ELMO1: variants seen among roughly 807,000 people sequenced by gnomAD.
ELMO1 encodes the protein engulfment and cell motility protein 1.
A neutral mutation model predicts 98.9 loss-of-function variants in ELMO1; 26 were observed. The observed-to-expected ratio is 0.26, with a 90% CI of 0.19 to 0.36. The LOEUF (loss-of-function observed/expected upper bound fraction) is 0.36, where lower values mean the gene tolerates loss of function less well. Among genes scored for constraint, ELMO1 ranks in the 10% least tolerant of loss-of-function variants. The pLI, the probability that ELMO1 is intolerant of heterozygous loss-of-function variation, is 1.00. For synonymous variants in ELMO1, 346 were observed against 346.0 expected, an observed-to-expected ratio of 1.00 and a Z score of 0.00; for missense variants, 627 against 935.2, an observed-to-expected ratio of 0.67 and a Z score of 4.30.
intron 11 of ELMO1, among the ~76,000 whole-genome samples, chr7:37,214,787 C>T (rs1027488796): frequency 1.3e-5 from 2 of 152,208 alleles, no homozygotes; most frequent in Non-Finnish European, 2.9e-5. Context: ...CTTAGCAACT[C>T]GAAAGTACTG....
At chr7:37,312,121 C>T (rs1798917935) in intron 4 of ELMO1, among the ~76,000 whole-genome samples, 1 of 152,216 alleles carries the variant, frequency 6.6e-6, no homozygotes, top group Non-Finnish European at 1.5e-5. Context: ...GAGATGGAGG[C>T]TTGCTCTGTC....
chr7:37,403,349 A>G (rs550338830), intron 1 of ELMO1, among the ~76,000 whole-genome samples: 14 of 152,134 alleles, frequency 9.2e-5, no homozygotes, highest in Non-Finnish European at 1.6e-4. Context: ...CTGGAAGCCA[A>G]GGTTTGAGAC....
chr7:37,179,703 T>C (rs1228439845), intron 13 of ELMO1, among the ~76,000 whole-genome samples: 1 of 152,178 alleles, frequency 6.6e-6, no homozygotes, highest in African/African-American at 2.4e-5. Flanking sequence ...ATGGAAACAG[T>C]AGAAAGAAAG....
At chr7:37,318,175 G>C (rs1162864395) in intron 2 of ELMO1, among the ~76,000 whole-genome samples, 3 of 152,140 alleles carry the variant, frequency 2.0e-5, no homozygotes, top group Non-Finnish European at 4.4e-5. Context: ...CTTGCTGTGA[G>C]CTGAGGAACA....
chr7:37,288,578 C>G (rs752103460), intron 4 of ELMO1, among the ~76,000 whole-genome samples: 4 of 152,174 alleles, frequency 2.6e-5, no homozygotes, highest in Non-Finnish European at 4.4e-5. Context: ...CAATCTTGGC[C>G]AAGGCCTACA....
chr7:37,405,801 C>T (rs1303969117), intron 1 of ELMO1, among the ~76,000 whole-genome samples: 1 of 152,202 alleles, frequency 6.6e-6, no homozygotes. Context: ...AACTTGCTAG[C>T]CTCAGAGGAC....
At chr7:37,018,303 T>G (rs1794067701) in intron 15 of ELMO1, among the ~76,000 whole-genome samples, 1 of 151,822 alleles carries the variant, frequency 6.6e-6, no homozygotes, top group Non-Finnish European at 1.5e-5. Context: ...ATTGTGTATT[T>G]TTAGTAGAGA....
chr7:37,268,341 G>A (rs758701880), intron 5 of ELMO1, among the ~76,000 whole-genome samples: 12 of 152,196 alleles, frequency 7.9e-5, no homozygotes, highest in Non-Finnish European at 1.2e-4. Context: ...TCGCTCTGTC[G>A]CCCAGGCTGG....
intron 13 of ELMO1, among the ~76,000 whole-genome samples, chr7:37,171,483 AT>A (rs71780142): frequency 0.013 from 1,034 of 82,700 alleles, 4 homozygotes; most frequent in East Asian, 0.073. Flanking sequence ...AGGCCTTTCT[AT>A]TTTTTTTTTT....
chr7:36,883,850 G>A (rs10281918), intron 18 of ELMO1, among the ~76,000 whole-genome samples: 49,274 of 152,014 alleles, frequency 0.32, 8,258 homozygotes, highest in Admixed American at 0.39. Flanking sequence ...ACATCTTCTG[G>A]GGTTTCATCT....
intron 13 of ELMO1, among the ~76,000 whole-genome samples, chr7:37,176,983 G>C (rs914816236): frequency 7.2e-5 from 11 of 152,200 alleles, no homozygotes; most frequent in African/African-American, 2.4e-4. Flanking sequence ...AGGAAGGACT[G>C]TAGATGTATC....
chr7:37,272,612 T>C (rs1035726321), intron 4 of ELMO1, among the ~76,000 whole-genome samples: 5 of 151,356 alleles, frequency 3.3e-5, no homozygotes, highest in Non-Finnish European at 5.9e-5. Context: ...GAGGCAGAGG[T>C]TGCAGTGAGC....
At chr7:37,155,143 G>C (rs1563040219) in intron 13 of ELMO1, among the ~76,000 whole-genome samples, 4 of 152,074 alleles carry the variant, frequency 2.6e-5, no homozygotes. Flanking sequence ...TGCCTTACAA[G>C]AGCTCCTAAA....
In ELMO1 at chr7:37,314,941, T is replaced by C. The variant is rs947627624; in HGVS notation, c.120-19A>G. On this transcript the variant is annotated intron_variant, in intron 3 of 21. Transcript: ENST00000310758. ...AGACCACCTTAAAAATACAAGCGTA[T>C]ACTGATTAGAAAAATGAAAGTGGCC... 1 of 1,603,440 alleles carries C rather than the reference T, an allele frequency of 6.2e-7. No homozygotes were observed. The highest frequency in any genetic ancestry group is 8.5e-7 in the Non-Finnish European group (1 of 1,176,150).
chr7:36,915,589 G>A (rs560032054), intron 16 of ELMO1, among the ~76,000 whole-genome samples: 1 of 152,310 alleles, frequency 6.6e-6, no homozygotes, highest in East Asian at 1.9e-4. Context: ...AATGAATGGA[G>A]AAAGCCAAGA....
At chr7:37,034,106 A>G (rs1201262315) in intron 15 of ELMO1, among the ~76,000 whole-genome samples, 3 of 152,218 alleles carry the variant, frequency 2.0e-5, no homozygotes, top group Admixed American at 1.3e-4. Context: ...AACATGAGTT[A>G]AATTGTGACC....
intron 15 of ELMO1, among the ~76,000 whole-genome samples, chr7:37,018,952 C>CG (rs1794114040): frequency 6.6e-6 from 1 of 151,904 alleles, no homozygotes; most frequent in Non-Finnish European, 1.5e-5. Context: ...CATAGATAAG[C>CG]GGGGGGCGGG....
At chr7:37,426,110 TTCTC>T (rs369791071) in intron 1 of ELMO1, among the ~76,000 whole-genome samples, 15 of 149,556 alleles carry the variant, frequency 1.0e-4, no homozygotes, top group African/African-American at 3.7e-4. Context: ...AAACTTAGAG[TTCTC>T]TCTCTCTCTC....
chr7:37,055,074 G>A (rs144108255), intron 15 of ELMO1, among the ~76,000 whole-genome samples: 2,158 of 152,228 alleles, frequency 0.014, 19 homozygotes, highest in Middle Eastern at 0.044. Context: ...CTACATCCAC[G>A]TCTCCCTTCA....
Sources: allele counts gnomAD v4.1 joint callset (sites outside exome capture counted in the v4.1 genomes callset), GRCh38; gene constraint gnomAD v4.1.1; transcripts MANE v1.5; gene names NCBI Gene and HGNC (gene_info 2026-07-23, HGNC 2026-07-21).